The following NAV1 variants were observed in gnomAD, a reference collection of about 807,000 sequenced individuals.
NAV1 encodes neuron navigator 1.
Under a neutral mutation model 175.2 loss-of-function variants are expected in NAV1, and 18 were observed. The observed-to-expected ratio is 0.10, with a 90% CI of 0.07 to 0.15. The LOEUF (loss-of-function observed/expected upper bound fraction) is 0.15. Among genes scored for constraint, NAV1 ranks in the 10% least tolerant of loss-of-function variants. The pLI is 1.00. For missense variants in NAV1, 1,731 were observed against 2,436.6 expected, an observed-to-expected ratio of 0.71 and a Z score of 6.10; for synonymous variants, 897 against 978.7, an observed-to-expected ratio of 0.92 and a Z score of 1.56.
At chr1:201,567,909 AC>A (rs1008082394) in intron 1 of NAV1, among the ~76,000 whole-genome samples, 6 of 152,062 alleles carry the variant, frequency 3.9e-5, no homozygotes, top group African/African-American at 1.5e-4. Flanking sequence ...AGGGTAACTG[AC>A]CCAATTGAAG....
chr1:201,613,612 C>T (rs1378977073), intron 2 of NAV1, among the ~76,000 whole-genome samples: 3 of 152,200 alleles, frequency 2.0e-5, no homozygotes, highest in Non-Finnish European at 4.4e-5. Context: ...CCTGTAATCC[C>T]AGCACTTTGG....
intron 1 of NAV1, among the ~76,000 whole-genome samples, chr1:201,691,198 AC>A (rs1370286116): frequency 3.3e-5 from 5 of 152,020 alleles, no homozygotes; most frequent in Non-Finnish European, 7.4e-5. Context: ...TGCCAGTAAC[AC>A]CCCCTCCCAA....
At chr1:201,811,365 G>A (rs1042984590) in intron 24 of NAV1, among the ~76,000 whole-genome samples, 1 of 152,116 alleles carries the variant, frequency 6.6e-6, no homozygotes, top group African/African-American at 2.4e-5. Context: ...ATCCATCTAG[G>A]AAATAGCATA....
chr1:201,803,825 C>T (rs1371053904), intron 16 of NAV1, 111 bp downstream of exon 20: 4 of 1,363,266 alleles, frequency 2.9e-6, no homozygotes, highest in Non-Finnish European at 3.0e-6. Context: ...TCCCGTCTAA[C>T]ACTGAGCCCT....
intron 2 of NAV1, among the ~76,000 whole-genome samples, chr1:201,642,525 T>TCTTTCTTTCTTTC (rs1553247054): frequency 7.0e-5 from 7 of 100,412 alleles, no homozygotes; most frequent in African/African-American, 3.0e-4. Flanking sequence ...TTCTTTCTTT[T>TCTTTCTTTCTTTC]TTTCTTTCTT....
chr1:201,705,957 C>T (rs1671647974), intron 1 of NAV1, among the ~76,000 whole-genome samples: 1 of 152,136 alleles, frequency 6.6e-6, no homozygotes, highest in Non-Finnish European at 1.5e-5. Context: ...CCCTCCTAGT[C>T]CAGCTCTGAG....
chr1:201,704,009 T>C (rs1281625640), intron 1 of NAV1, among the ~76,000 whole-genome samples: 1 of 152,164 alleles, frequency 6.6e-6, no homozygotes, highest in Admixed American at 6.5e-5. Flanking sequence ...CTGGAGCCTC[T>C]TGGAAACTTT....
chr1:201,650,707 G>A (rs1057345052), intron 1 of NAV1, among the ~76,000 whole-genome samples: 4 of 152,242 alleles, frequency 2.6e-5, no homozygotes, highest in African/African-American at 9.6e-5. Context: ...TGTGGGCTAG[G>A]ATGAGGGTCC....
intron 1 of NAV1, among the ~76,000 whole-genome samples, chr1:201,693,832 G>GT (rs1423369839): frequency 6.6e-6 from 1 of 152,160 alleles, no homozygotes; most frequent in Non-Finnish European, 1.5e-5. Context: ...TGTATGTCAG[G>GT]TCAAGGACTC....
intron 1 of NAV1, among the ~76,000 whole-genome samples, chr1:201,670,709 C>T (rs958812405): frequency 3.4e-5 from 5 of 147,222 alleles, no homozygotes; most frequent in African/African-American, 5.1e-5. Context: ...GGTGGTGTCT[C>T]GGTAATGCTG....
At chr1:201,574,140 G>C (rs964694969) in intron 1 of NAV1, among the ~76,000 whole-genome samples, 2 of 152,032 alleles carry the variant, frequency 1.3e-5, no homozygotes, top group Non-Finnish European at 2.9e-5. Flanking sequence ...TCAGTGTAGA[G>C]GACTGGGCTG....
intron 1 of NAV1, among the ~76,000 whole-genome samples, chr1:201,540,896 A>G (rs1665493781): frequency 1.3e-5 from 2 of 152,220 alleles, no homozygotes; most frequent in Non-Finnish European, 2.9e-5. Flanking sequence ...CCAGGAAAAA[A>G]TCGCTACGGT....
At chr1:201,794,315 CT>C in intron 14 of NAV1, 150 bp from the exon 19 acceptor site, 1 of 707,712 alleles carries the variant, frequency 1.4e-6, no homozygotes, top group African/African-American at 1.8e-5. Context: ...CCACGCCCAG[CT>C]AATTTTTGTA....
intron 1 of NAV1, among the ~76,000 whole-genome samples, chr1:201,542,419 A>G (rs1451274249): frequency 6.6e-6 from 1 of 152,204 alleles, no homozygotes; most frequent in Admixed American, 6.5e-5. Flanking sequence ...CACACAAAAA[A>G]TAATAATTAA....
intron 1 of NAV1, among the ~76,000 whole-genome samples, chr1:201,689,962 G>A (rs960215139): frequency 3.3e-5 from 5 of 151,150 alleles, no homozygotes; most frequent in Non-Finnish European, 7.4e-5. Flanking sequence ...CCTGTCTGTG[G>A]CAGAATGCTG....
intron 2 of NAV1, among the ~76,000 whole-genome samples, chr1:201,593,732 T>A (rs536963906): frequency 3.3e-5 from 5 of 152,300 alleles, no homozygotes; most frequent in African/African-American, 1.2e-4. Context: ...GAGTACATAT[T>A]CTTTTTCCTC....
intron 1 of NAV1, among the ~76,000 whole-genome samples, chr1:201,660,407 T>C (rs996073841): frequency 6.6e-6 from 1 of 152,120 alleles, no homozygotes; most frequent in African/African-American, 2.4e-5. Context: ...AGGGACCCAC[T>C]GGGCTCCTAG....
At chr1:201,633,134 CAGAGA>C (rs1668525762) in intron 2 of NAV1, among the ~76,000 whole-genome samples, 2 of 152,120 alleles carry the variant, frequency 1.3e-5, no homozygotes, top group Admixed American at 6.5e-5. Context: ...AGATGAGACT[CAGAGA>C]AGAGAAGTGA....
intron 1 of NAV1, among the ~76,000 whole-genome samples, chr1:201,624,163 T>C (rs1022783206): frequency 1.3e-5 from 2 of 152,160 alleles, no homozygotes; most frequent in African/African-American, 4.8e-5. Flanking sequence ...TCTGCTTATG[T>C]GCCTGGCATA....
Sources: allele counts gnomAD v4.1 joint callset (sites outside exome capture counted in the v4.1 genomes callset), GRCh38; gene constraint gnomAD v4.1.1; transcripts MANE v1.5; gene names NCBI Gene and HGNC (gene_info 2026-07-23, HGNC 2026-07-21).